RAD54B: variants seen among roughly 807,000 people sequenced by gnomAD.
RAD54B encodes RAD54 homolog B.
In RAD54B, 78 loss-of-function variants were observed where a neutral mutation model predicts 95.8. That is an observed-to-expected ratio of 0.81 (90% CI 0.68 to 0.98). The LOEUF (loss-of-function observed/expected upper bound fraction) is 0.98. Among genes scored for constraint, RAD54B ranks in the 50% least tolerant of loss-of-function variants. The probability of loss-of-function intolerance (pLI) is 0.00; values close to 1 mark genes in which losing one functional copy is unlikely to be tolerated. For synonymous variants in RAD54B, 328 were observed against 354.9 expected, an observed-to-expected ratio of 0.92 and a Z score of 0.85; for missense variants, 957 against 1,056.6, an observed-to-expected ratio of 0.91 and a Z score of 1.31.
chr8:94,428,559 G>T (rs916890709), intron 3 of RAD54B: 1 of 278,950 alleles, frequency 3.6e-6, no homozygotes, highest in Non-Finnish European at 5.4e-6. Flanking sequence ...TAGGATACAG[G>T]ACAAGTGAGC....
Position 94,450,682 on chromosome 8 carries a change from C to T in RAD54B, c.304+7586G>A, listed in dbSNP as rs189333501. The stretch of plus-strand genomic sequence containing the variant: ...ATCACTTGGAGCCAGGAGTTCGAGA[C>T]GAACCTGGCCAACATGGCAAAACCC... On this transcript the variant is annotated intron_variant, in intron 3 of 14. Transcript: ENST00000336148. 4.4e-3 allele frequency among the ~76,000 whole-genome samples: 669 copies of T among 152,188 alleles called. 13 individuals carry two copies. Among genetic ancestry groups the T allele is most frequent in the Non-Finnish European group, 4.7e-3 (320 of 68,000 alleles).
At position 94,372,383 on chromosome 8, in the gene RAD54B, A is replaced by C; in HGVS notation, c.2520T>G (p.Asp840Glu). 6.2e-7 allele frequency: 1 copy of C among 1,612,558 alleles called. No individual in the cohort carries two copies. The highest frequency in any genetic ancestry group is 8.5e-7 in the Non-Finnish European group (1 of 1,179,704). The change falls in exon 15 of 15, where the codon GAT (aspartate) becomes GAG (glutamate). Residue 840 changes from aspartate to glutamate, a missense_variant. By Grantham distance (45) the Asp-to-Glu change is conservative. Transcript: ENST00000336148. ...ECTGEEVHTG[D>E]SLEKFIVSRD... ...TAGAGACAATGAATTTTTCCAACGA[A>C]TCACCTGTAATAAGTAAAACAATGA...
intron 5 of RAD54B, among the ~76,000 whole-genome samples, chr8:94,406,489 T>C (rs1199225048): frequency 6.6e-6 from 1 of 152,192 alleles, no homozygotes; most frequent in Non-Finnish European, 1.5e-5. Context: ...GTCTTTGGGA[T>C]AAGCTAATAT....
chr8:94,467,332 T>G (rs977693607), intron 2 of RAD54B, 73 bp downstream of exon 2: 6 of 1,304,752 alleles, frequency 4.6e-6, no homozygotes, highest in African/African-American at 1.5e-5. Context: ...TACTGTTAAC[T>G]CTTTAAATGG....
chr8:94,428,016 C>T (rs1054264966), intron 3 of RAD54B: 26 of 931,884 alleles, frequency 2.8e-5, no homozygotes, highest in Non-Finnish European at 2.8e-5. Context: ...ATCTGGTATT[C>T]GTTAGAAATG....
At chr8:94,386,920 A>G (rs1239517622) in intron 11 of RAD54B, 64 bp downstream of exon 11, 2 of 1,125,664 alleles carry the variant, frequency 1.8e-6, no homozygotes, top group Non-Finnish European at 2.4e-6. Flanking sequence ...GGGAAGTAGG[A>G]AGTAAAGAAA....
At chr8:94,406,906 CTAGG>C (rs1292591523) in intron 5 of RAD54B, among the ~76,000 whole-genome samples, 1 of 152,036 alleles carries the variant, frequency 6.6e-6, no homozygotes, top group Non-Finnish European at 1.5e-5. Context: ...CAGATACAAT[CTAGG>C]TTTCTTTTTT....
chr8:94,445,438 C>T (rs1380183019), intron 3 of RAD54B, among the ~76,000 whole-genome samples: 2 of 152,178 alleles, frequency 1.3e-5, no homozygotes, highest in Admixed American at 6.5e-5. Context: ...TCCGTACTCC[C>T]TCATTCTCCC....
chr8:94,471,268 C>CGGGG (rs34892988), intron 1 of RAD54B, among the ~76,000 whole-genome samples: 54 of 137,524 alleles, frequency 3.9e-4, no homozygotes, highest in African/African-American at 1.4e-3. Flanking sequence ...TAATGGGTGG[C>CGGGG]GGGGGGGGGC....
chr8:94,467,241 A>T (rs1226399394), intron 2 of RAD54B, among the ~76,000 whole-genome samples, 164 bp downstream of exon 2: 1 of 151,784 alleles, frequency 6.6e-6, no homozygotes, highest in Non-Finnish European at 1.5e-5. Context: ...TATTCCTTTT[A>T]AAAAAAAATT....
chr8:94,454,493 T>C (rs1036966081), intron 3 of RAD54B, among the ~76,000 whole-genome samples: 1 of 152,230 alleles, frequency 6.6e-6, no homozygotes, highest in Non-Finnish European at 1.5e-5. Context: ...CAATAAAATA[T>C]TTTAAAATAT....
At chr8:94,423,777 G>A (rs1017133434) in intron 3 of RAD54B, among the ~76,000 whole-genome samples, 3 of 152,176 alleles carry the variant, frequency 2.0e-5, no homozygotes, top group Non-Finnish European at 4.4e-5. Context: ...TTTGCTGTGT[G>A]CAATTTTAGT....
intron 9 of RAD54B, among the ~76,000 whole-genome samples, chr8:94,392,530 G>A (rs1811046543): frequency 6.6e-6 from 1 of 152,146 alleles, no homozygotes; most frequent in African/African-American, 2.4e-5. Context: ...CCAAAGTGCT[G>A]GGATTACAGG....
intron 3 of RAD54B, among the ~76,000 whole-genome samples, chr8:94,444,032 T>TA (rs1161284488): frequency 6.6e-6 from 1 of 152,124 alleles, no homozygotes; most frequent in African/African-American, 2.4e-5. Context: ...CTGTATCATA[T>TA]AAAATTTATA....
chr8:94,378,569 T>C lies in RAD54B; in HGVS notation c.2313A>G (p.Thr771=). The C allele has an allele frequency of 6.2e-7, 1 of 1,601,414 alleles. No homozygotes were observed. Among genetic ancestry groups the C allele is most frequent in the Non-Finnish European group, 8.5e-7 (1 of 1,173,288 alleles). The change falls in exon 13 of 15, where the codon ACA becomes ACG. Residue 771 remains threonine (T), a splice_region_variant and synonymous_variant. Transcript: ENST00000336148. The part of the protein sequence containing the change: ...YPVHIYRLLT[T]GTIEEKIYQR... ...TTTGTCACACTGAAGGGTTGTTACC[T>C]GTAGTTAGGAGTCTGTAAATATGTA...
At chr8:94,395,923 G>A (rs944315478) in intron 8 of RAD54B, among the ~76,000 whole-genome samples, 2 of 152,120 alleles carry the variant, frequency 1.3e-5, no homozygotes. Flanking sequence ...CAGTTATATG[G>A]GGGAATAAGC....
chr8:94,378,598 G>T lies in RAD54B; in HGVS notation c.2284C>A (p.Pro762Thr). The change falls in exon 13 of 15, where the codon CCT becomes ACT. Residue 762 changes from proline to threonine, a missense_variant. Transcript: ENST00000336148. ...SRVWRDGQKY[P>T]VHIYRLLTTG... ...GTTAGGAGTCTGTAAATATGTACAG[G>T]ATATTTCTGACCATCTCTCCATACT... 1 of 1,609,998 alleles carries T rather than the reference G, an allele frequency of 6.2e-7. No homozygotes were observed. The highest frequency in any genetic ancestry group is 8.5e-7 in the Non-Finnish European group (1 of 1,177,486).
intron 3 of RAD54B, among the ~76,000 whole-genome samples, chr8:94,453,389 G>A (rs959251651): frequency 6.6e-6 from 1 of 152,092 alleles, no homozygotes; most frequent in African/African-American, 2.4e-5. Context: ...AAATTAGCCA[G>A]GTGTGATGGC....
chr8:94,375,563 T>C (rs1586114192), intron 14 of RAD54B, among the ~76,000 whole-genome samples: 1 of 152,076 alleles, frequency 6.6e-6, no homozygotes, highest in Non-Finnish European at 1.5e-5. Context: ...ATTAAACTTC[T>C]TTTTTTTGTA....
Sources: gnomAD v4.1 joint callset for allele counts (sites outside exome capture counted in the v4.1 genomes callset) on GRCh38, gnomAD v4.1.1 for gene constraint, MANE v1.5 for transcripts, NCBI Gene and HGNC (gene_info 2026-07-23, HGNC 2026-07-21) for gene names.